The following NAV2 variants were observed in gnomAD, a reference collection of about 807,000 sequenced individuals.
The protein encoded by NAV2 is helicase, APC down-regulated 1.
A neutral mutation model predicts 223.2 loss-of-function variants in NAV2; 54 were observed. That is an observed-to-expected ratio of 0.24 (90% CI 0.19 to 0.30). The LOEUF (loss-of-function observed/expected upper bound fraction) is 0.30, where lower values mean the gene tolerates loss of function less well. Among genes scored for constraint, NAV2 ranks in the 10% least tolerant of loss-of-function variants. NAV2 has a pLI of 1.00. For missense variants in NAV2, 2,806 were observed against 3,147.5 expected (o/e 0.89, Z 2.60); for synonymous variants, 1,279 against 1,239.3 (o/e 1.03, Z -0.67).
chr11:19,481,050 C>G (rs2042263262), intron 1 of NAV2, among the ~76,000 whole-genome samples: 2 of 152,174 alleles, frequency 1.3e-5, no homozygotes, highest in Admixed American at 6.5e-5. Context: ...GCAGCCCGGA[C>G]AGGTGACTGC....
intron 6 of NAV2, among the ~76,000 whole-genome samples, chr11:19,897,829 T>G (rs2042108526): frequency 6.7e-6 from 1 of 149,432 alleles, no homozygotes; most frequent in Non-Finnish European, 1.5e-5. Flanking sequence ...TTGCCTTTGA[T>G]TTCGTTTTCT....
At chr11:19,900,243 A>G (rs1290886411) in intron 6 of NAV2, among the ~76,000 whole-genome samples, 3 of 123,200 alleles carry the variant, frequency 2.4e-5, no homozygotes, top group East Asian at 2.3e-4. Flanking sequence ...GATGCTGCCA[A>G]ATTTAGGGAC....
intron 10 of NAV2, among the ~76,000 whole-genome samples, chr11:19,975,965 G>A (rs776506347): frequency 1.7e-4 from 7 of 41,768 alleles, no homozygotes; most frequent in Non-Finnish European, 6.4e-4. Flanking sequence ...TTTCGATAAT[G>A]GTCTGTAAAC....
intron 2 of NAV2, among the ~76,000 whole-genome samples, chr11:19,838,766 GGCATACACCACCATGCCCA>G (rs1271076872): frequency 6.6e-6 from 1 of 152,108 alleles, no homozygotes; most frequent in East Asian, 1.9e-4. Context: ...TGCGATTGTA[GGCATACACCACCATGCCCA>G]GCTAATTTTT....
rs553185458 is a variant in NAV2, at chr11:19,573,797, G to A, written c.75+222770G>A. 1.1e-4 allele frequency among the ~76,000 whole-genome samples: 16 copies of A among 152,312 alleles called. No homozygotes were observed. The South Asian group carries it at 3.1e-3, about 30-fold the overall frequency. ...TCCCTGGGTGGTTTCTGAGCTGGCT[G>A]CTTTGCAGGGCTAGAAGGCCCATCC... On this transcript the variant is annotated intron_variant, in intron 1 of 37. Coordinates refer to the NAV2 transcript ENST00000360655.
At chr11:19,811,682 C>A (rs117307565) in intron 1 of NAV2, among the ~76,000 whole-genome samples, 2,203 of 152,288 alleles carry the variant, frequency 0.014, 24 homozygotes, top group Middle Eastern at 0.044. Context: ...TGACAGAAAG[C>A]TTTCCACTGG....
intron 1 of NAV2, among the ~76,000 whole-genome samples, chr11:19,581,296 A>G (rs2045710512): frequency 6.6e-6 from 1 of 152,148 alleles, no homozygotes. Flanking sequence ...CTCTTTAACG[A>G]TTAGCACTCT....
chr11:19,917,355 G>A (rs1485578271), intron 6 of NAV2, among the ~76,000 whole-genome samples: 2 of 152,124 alleles, frequency 1.3e-5, no homozygotes, highest in Non-Finnish European at 2.9e-5. Flanking sequence ...GAGGGAGGGG[G>A]TGTCACAGGG....
At chr11:19,991,213 C>A (rs1436953688) in intron 11 of NAV2, among the ~76,000 whole-genome samples, 1 of 152,218 alleles carries the variant, frequency 6.6e-6, no homozygotes, top group African/African-American at 2.4e-5. Context: ...ACTGCAACCT[C>A]CACCCCGGCT....
chr11:19,406,151 C>T (rs1012749960), intron 1 of NAV2, among the ~76,000 whole-genome samples: 1 of 152,128 alleles, frequency 6.6e-6, no homozygotes, highest in African/African-American at 2.4e-5. Context: ...TTGTATTCTC[C>T]CCCCAGGTTA....
At chr11:19,841,273 T>C (rs533568394) in intron 2 of NAV2, among the ~76,000 whole-genome samples, 18 of 152,326 alleles carry the variant, frequency 1.2e-4, no homozygotes, top group African/African-American at 4.1e-4. Flanking sequence ...TTTCTGCCAC[T>C]AGCTTGCTTC....
intron 1 of NAV2, among the ~76,000 whole-genome samples, chr11:19,693,565 G>A (rs2049245466): frequency 6.6e-6 from 1 of 152,206 alleles, no homozygotes; most frequent in Admixed American, 6.5e-5. Context: ...GCCCTTGGGG[G>A]AAATTGAAAA....
intron 1 of NAV2, among the ~76,000 whole-genome samples, chr11:19,482,478 T>G (rs1008780708): frequency 6.6e-6 from 1 of 152,108 alleles, no homozygotes; most frequent in African/African-American, 2.4e-5. Context: ...TTTCCACGAG[T>G]CAAGCCGGGG....
chr11:19,967,090 C>T (rs1036602511), intron 10 of NAV2, among the ~76,000 whole-genome samples: 1 of 152,086 alleles, frequency 6.6e-6, no homozygotes, highest in African/African-American at 2.4e-5. Context: ...GTGATTGTCC[C>T]CATCTTACAG....
chr11:19,971,383 T>C (rs2049227699), intron 10 of NAV2, among the ~76,000 whole-genome samples: 1 of 152,110 alleles, frequency 6.6e-6, no homozygotes, highest in African/African-American at 2.4e-5. Flanking sequence ...CCTGTTTTCT[T>C]TTTAGGGGGC....
intron 1 of NAV2, among the ~76,000 whole-genome samples, chr11:19,553,555 C>G (rs952619261): frequency 2.6e-5 from 4 of 152,196 alleles, no homozygotes; most frequent in African/African-American, 9.7e-5. Flanking sequence ...CAGGATGAGC[C>G]AGGGAAGGCA....
chr11:19,597,951 C>T (rs1236651955), intron 1 of NAV2, among the ~76,000 whole-genome samples: 1 of 152,250 alleles, frequency 6.6e-6, no homozygotes. Flanking sequence ...CTCTCAAGGG[C>T]AGGTGGGTCT....
Position 20,083,145 on chromosome 11 carries a change from A to G in NAV2, c.5464A>G (p.Thr1822Ala), listed in dbSNP as rs2060194093. 6.2e-7 allele frequency: 1 copy of G among 1,613,632 alleles called. No homozygotes were observed. The highest frequency in any genetic ancestry group is 1.3e-5 in the African/African-American group (1 of 74,898). Residue 1822 changes from threonine to alanine, a missense_variant, in exon 26 of 38, where the codon ACC (threonine) becomes GCC (alanine). By Grantham distance (58) the Thr-to-Ala change is moderately conservative (BLOSUM62 0). Coordinates refer to ENST00000349880, the MANE Select transcript of NAV2 (RefSeq NM_145117.5). The stretch of plus-strand genomic sequence containing the variant: ...ACCGCACAATGGGTCCACAGGTTCC[A>G]CCCCACTGCTGAGGAATTCTCACTC... Reference protein sequence around the residue: ...KLPHNGSTGSTPLLRNSHSNS... With the variant: ...KLPHNGSTGSAPLLRNSHSNS...
intron 1 of NAV2, among the ~76,000 whole-genome samples, chr11:19,789,931 C>T (rs912822801): frequency 2.6e-5 from 4 of 152,192 alleles, no homozygotes; most frequent in African/African-American, 9.7e-5. Context: ...CTTCTCATGG[C>T]TGAGTTCAAG....
Sources: allele counts gnomAD v4.1 joint callset (sites outside exome capture counted in the v4.1 genomes callset), GRCh38; gene constraint gnomAD v4.1.1; transcripts MANE v1.5; gene names NCBI Gene and HGNC (gene_info 2026-07-23, HGNC 2026-07-21).